NR3C1: variants seen among roughly 807,000 people sequenced by gnomAD.
NR3C1 encodes nuclear receptor subfamily 3 group C member 1.
Under a neutral mutation model 74.0 loss-of-function variants are expected in NR3C1, and 14 were observed. The ratio of observed to expected loss-of-function variants is 0.19; its 90% CI spans 0.12 to 0.30. NR3C1 has a LOEUF of 0.30. NR3C1 is among the 10% of genes least tolerant of loss of function. The pLI is 1.00. For synonymous variants in NR3C1, 308 were observed against 332.5 expected (o/e 0.93, Z 0.80); for missense variants, 695 against 909.8 (o/e 0.76, Z 3.04).
At chr5:143,404,069 C>T (rs1840864318), upstream of NR3C1, 1 of 985,548 alleles carries the variant, frequency 1.0e-6, no homozygotes, top group Non-Finnish European at 1.2e-6. Context: ...CCCCGCCCAG[C>T]TCCGCGGCTC....
chr5:143,335,119 T>C (rs1028278662), intron 2 of NR3C1, among the ~76,000 whole-genome samples: 3 of 152,166 alleles, frequency 2.0e-5, no homozygotes, highest in African/African-American at 7.2e-5. Flanking sequence ...TTGGTTTGAA[T>C]AGGAGGCAAT....
intron 2 of NR3C1, among the ~76,000 whole-genome samples, chr5:143,351,994 G>C (rs557475515): frequency 3.4e-4 from 51 of 152,150 alleles, no homozygotes; most frequent in Non-Finnish European, 7.3e-4. Flanking sequence ...ATGTTCTAAA[G>C]ATGACCTAAT....
At chr5:143,373,718 A>G (rs953887499) in intron 2 of NR3C1, among the ~76,000 whole-genome samples, 1 of 152,194 alleles carries the variant, frequency 6.6e-6, no homozygotes, top group African/African-American at 2.4e-5. Flanking sequence ...GTAAAATCAT[A>G]AAACAAAGCA....
At chr5:143,343,336 C>CT (rs1247710870) in intron 2 of NR3C1, among the ~76,000 whole-genome samples, 1 of 152,178 alleles carries the variant, frequency 6.6e-6, no homozygotes, top group Non-Finnish European at 1.5e-5. Context: ...AGCTAATTGT[C>CT]TAGCAGGAGG....
chr5:143,279,689 CTTG>C lies in NR3C1; in HGVS notation c.*2197_*2199del, dbSNP rs1250544550. On this transcript the variant is annotated 3_prime_UTR_variant, in exon 9 of 9. Coordinates refer to ENST00000394464, the MANE Select transcript of NR3C1 (RefSeq NM_000176.3). ...TCCTCATTTTATTTGGAAATAAACT[CTTG>C]TTGTAGGATAGAAAGGAATTAGTGT... 6.1e-6 allele frequency: 2 copies of C among 329,020 alleles called. No homozygotes were observed. Among genetic ancestry groups the C allele is most frequent in the East Asian group, 6.4e-5 (1 of 15,566 alleles). The allele number at this position is 329,020 out of a possible 1,614,324, so 20.4% of individuals were successfully genotyped here. A position where few individuals can be genotyped will look rare whatever the true frequency, so the allele number is the denominator to read the frequency against.
rs776690628 is a variant in NR3C1, at chr5:143,400,464, T to A, written c.376A>T (p.Ile126Phe). The A allele has an allele frequency of 6.2e-7, 1 of 1,614,230 alleles. No homozygotes were observed. Residue 126 changes from isoleucine to phenylalanine, a missense_variant, in exon 2 of 9, where the codon ATT becomes TTT. Ile to Phe is a conservative substitution (Grantham distance 21, BLOSUM62 0). Transcript: ENST00000394464. ...CTGGTCGACCTATTGAGGTTTGCAA[T>A]GCTTTCTTCCAAAAGCTTTAAGTCT... ...ETDLKLLEES[I>F]ANLNRSTSVP... is the part of the protein sequence containing the mutation.
rs1812746451 is a variant in NR3C1 at position 143,279,177 on chromosome 5, A to C, written c.*2712T>G. 1 of 639,284 alleles carries C rather than the reference A, an allele frequency of 1.6e-6. No homozygotes were observed. The highest frequency in any genetic ancestry group is 2.2e-5 in the South Asian group (1 of 44,902). 39.6% of individuals were successfully genotyped at this position (639,284 alleles called of 1,614,324 possible). A position where few individuals can be genotyped will look rare whatever the true frequency, so the allele number is the denominator to read the frequency against. On this transcript the variant is annotated 3_prime_UTR_variant, in exon 9 of 9. Coordinates refer to ENST00000394464, the MANE Select transcript of NR3C1 (RefSeq NM_000176.3). The stretch of plus-strand genomic sequence containing the variant: ...ATAGCACTTAAATCCACAATTAAAC[A>C]TAATTAAGATGACTTTCTTTTCCCC...
rs1171406710 is a variant in NR3C1 at position 143,280,765 on chromosome 5, T to C, written c.*1124A>G. The C allele has an allele frequency of 6.6e-6, 1 of 152,138 alleles. No individual in the cohort carries two copies. Among genetic ancestry groups the C allele is most frequent in the South Asian group, 2.1e-4 (1 of 4,824 alleles). 9.4% of individuals were successfully genotyped at this position (152,138 alleles called of 1,614,324 possible). On this transcript the variant is annotated 3_prime_UTR_variant, in exon 9 of 9. Transcript: ENST00000394464. ...CTAGCCATTTTTGCCATATTAGAGA[T>C]TTAGTTTTTGGGTAAAGTTTAGTGA...
At chr5:143,335,832 G>A (rs560575689) in intron 2 of NR3C1, among the ~76,000 whole-genome samples, 1 of 152,302 alleles carries the variant, frequency 6.6e-6, no homozygotes, top group Admixed American at 6.5e-5. Context: ...CTTTGCAAAT[G>A]TCTGATTATT....
chr5:143,287,904 T>C (rs1356454807), intron 7 of NR3C1, among the ~76,000 whole-genome samples: 1 of 152,204 alleles, frequency 6.6e-6, no homozygotes, highest in Non-Finnish European at 1.5e-5. Flanking sequence ...ATACTGTATA[T>C]AGCTGCTTTC....
At chr5:143,284,125 G>C (rs765213713) in intron 7 of NR3C1, among the ~76,000 whole-genome samples, 1 of 151,954 alleles carries the variant, frequency 6.6e-6, no homozygotes, top group Non-Finnish European at 1.5e-5. Flanking sequence ...TGTTGCCTAG[G>C]CTGGAGTGCA....
intron 3 of NR3C1, among the ~76,000 whole-genome samples, chr5:143,312,300 T>C (rs2151612847): frequency 6.6e-6 from 1 of 152,282 alleles, no homozygotes; most frequent in East Asian, 1.9e-4. Context: ...GCAGAAGTGA[T>C]GGCATGTTAC....
At chr5:143,304,565 A>T (rs1819172601) in intron 4 of NR3C1, among the ~76,000 whole-genome samples, 1 of 152,162 alleles carries the variant, frequency 6.6e-6, no homozygotes, top group Non-Finnish European at 1.5e-5. Flanking sequence ...GCATTCTAAA[A>T]TTCCTATGGA....
rs768818105 is a variant in NR3C1, at chr5:143,400,088, G to A, written c.752C>T (p.Pro251Leu). The A allele has an allele frequency of 1.9e-6, 3 of 1,614,154 alleles. No homozygotes were observed. Among genetic ancestry groups the A allele is most frequent in the African/African-American group, 1.3e-5 (1 of 75,012 alleles). ...ATCCTTAATTTTGGGTTTAGTGTCC[G>A]GTAAAATGAGAGGCTTGCAGTCCTC... ...SNEDCKPLILPDTKPKIKDNG... is the reference protein window; with the variant it reads ...SNEDCKPLILLDTKPKIKDNG... The change falls in exon 2 of 9, where the codon CCG becomes CTG. Residue 251 changes from proline to leucine, a missense_variant. By Grantham distance (98) the Pro-to-Leu change is moderately conservative. This residue lies in a region of NR3C1 where 497 missense variants were observed against 489.5 expected (regional missense o/e 1.02). Transcript: ENST00000394464.
In NR3C1 at chr5:143,281,239, A is replaced by T. The variant is rs1414433874; in HGVS notation, c.*650T>A. 6.6e-6 allele frequency: 1 copy of T among 151,744 alleles called. No individual in the cohort carries two copies. Among genetic ancestry groups the T allele is most frequent in the Non-Finnish European group, 1.5e-5 (1 of 68,010 alleles). 9.4% of individuals were successfully genotyped at this position (151,744 alleles called of 1,614,324 possible). ...CCATTTTCACACAGATGATTGATTA[A>T]TGTTTAGAGTTTATTTGGGAAAGCT... On this transcript the variant is annotated 3_prime_UTR_variant, in exon 9 of 9. Transcript: ENST00000394464.
chr5:143,404,970 AC>A (rs1841003982), upstream of NR3C1, among the ~76,000 whole-genome samples: 1 of 152,128 alleles, frequency 6.6e-6, no homozygotes, highest in African/African-American at 2.4e-5. Flanking sequence ...TCAACTCCCT[AC>A]AGATGTTCCT....
intron 7 of NR3C1, among the ~76,000 whole-genome samples, chr5:143,291,109 A>C (rs1815837600): frequency 6.6e-6 from 1 of 152,146 alleles, no homozygotes; most frequent in African/African-American, 2.4e-5. Flanking sequence ...TCTACTTTTT[A>C]GCCCTCAAGG....
intron 2 of NR3C1, among the ~76,000 whole-genome samples, chr5:143,398,703 T>C (rs909958706): frequency 2.6e-5 from 4 of 152,148 alleles, no homozygotes; most frequent in African/African-American, 7.2e-5. Context: ...AAAATGGATA[T>C]AAAACCTAGC....
chr5:143,360,052 T>G (rs1831938869), intron 2 of NR3C1, among the ~76,000 whole-genome samples: 1 of 152,244 alleles, frequency 6.6e-6, no homozygotes. Flanking sequence ...TGTGCAAATG[T>G]GTACAGTTTA....
Sources: allele counts gnomAD v4.1 joint callset (sites outside exome capture counted in the v4.1 genomes callset), GRCh38; gene constraint gnomAD v4.1.1; regional missense constraint gnomAD v4.1.1; transcripts MANE v1.5; gene names NCBI Gene and HGNC (gene_info 2026-07-23, HGNC 2026-07-21).